The following CACNG2 variants were observed in gnomAD, a reference collection of about 807,000 sequenced individuals.
CACNG2 encodes the protein calcium voltage-gated channel auxiliary subunit gamma 2, also known as voltage-dependent calcium channel gamma-2 subunit.
CACNG2 carries 3 observed loss-of-function variants against 25.9 expected under a neutral mutation model. The ratio of observed to expected loss-of-function variants is 0.12; its 90% CI spans 0.05 to 0.30. The LOEUF is 0.30. Ranked by LOEUF, CACNG2 falls within the 10% of genes least tolerant of loss-of-function variation. The pLI, the probability that CACNG2 is intolerant of heterozygous loss-of-function variation, is 1.00. For missense variants in CACNG2, 341 were observed against 432.5 expected (o/e 0.79, Z 1.88); for synonymous variants, 167 against 173.3 (o/e 0.96, Z 0.29).
chr22:36,642,365 C>G (rs1936452862), intron 1 of CACNG2, among the ~76,000 whole-genome samples: 1 of 152,310 alleles, frequency 6.6e-6, no homozygotes, highest in East Asian at 1.9e-4. Context: ...ACCCCCAATG[C>G]ATTCATATTG....
At chr22:36,608,661 C>G (rs564782218) in intron 1 of CACNG2, among the ~76,000 whole-genome samples, 136 of 150,884 alleles carry the variant, frequency 9.0e-4, no homozygotes, top group Non-Finnish European at 1.3e-3. Context: ...TGCTATCAGA[C>G]TACCTGGGTG....
At chr22:36,624,350 G>A (rs1351311941) in intron 1 of CACNG2, among the ~76,000 whole-genome samples, 2 of 152,092 alleles carry the variant, frequency 1.3e-5, no homozygotes, top group African/African-American at 4.8e-5. Flanking sequence ...CATCTTCCCC[G>A]TCAGTGCCCC....
rs568981736 is a variant in CACNG2, at chr22:36,571,929, G to A, written c.296-5436C>T. Reference sequence around the variant, plus strand: ...TAAATTGGGTCCTACCTTTTACTGTGTCTCACACTAGAAGTTGCACAGTAA... The same window carrying A: ...TAAATTGGGTCCTACCTTTTACTGTATCTCACACTAGAAGTTGCACAGTAA... On this transcript the variant is annotated intron_variant, in intron 2 of 3. Coordinates refer to ENST00000300105, the MANE Select transcript of CACNG2 (RefSeq NM_006078.5). 5.9e-5 allele frequency among the ~76,000 whole-genome samples: 9 copies of A among 151,306 alleles called. No homozygotes were observed. The South Asian group carries it at 1.9e-3, about 32-fold the overall frequency.
chr22:36,653,090 G>A (rs1936644039), intron 1 of CACNG2, among the ~76,000 whole-genome samples: 1 of 152,218 alleles, frequency 6.6e-6, no homozygotes, highest in Admixed American at 6.5e-5. Flanking sequence ...GGGAGGCCGA[G>A]GCGGGTGGAT....
At chr22:36,604,657 A>G (rs1050950017) in intron 1 of CACNG2, among the ~76,000 whole-genome samples, 5 of 152,240 alleles carry the variant, frequency 3.3e-5, no homozygotes, top group Non-Finnish European at 5.9e-5. Flanking sequence ...AGATGATGGC[A>G]CACTGAAGGC....
chr22:36,682,988 C>T (rs571959147), intron 1 of CACNG2, among the ~76,000 whole-genome samples: 53 of 152,106 alleles, frequency 3.5e-4, no homozygotes, highest in African/African-American at 1.1e-3. Context: ...ATTGCGAGAA[C>T]GCTTACTTCC....
At chr22:36,611,527 C>T (rs1050359633) in intron 1 of CACNG2, among the ~76,000 whole-genome samples, 13 of 152,242 alleles carry the variant, frequency 8.5e-5, no homozygotes, top group South Asian at 2.1e-4. Context: ...GTGATCCTGG[C>T]CAGGACTGAC....
rs1330436030 is a variant in CACNG2, at chr22:36,606,738, A to G, written c.212-19190T>C. On this transcript the variant is annotated intron_variant, in intron 1 of 3. Transcript: ENST00000300105. This position sits in a 1 kb window ranked among gnomAD's most constrained non-coding sequence, Gnocchi z 5.7. ...CAGAAGTGTCATTTAGAGGACGGAA[A>G]CCAGACGGTTGGGCTGTGCGTGTGT... is the stretch of plus-strand genomic sequence containing the variant. Among the ~76,000 whole-genome samples the G allele has an allele frequency of 6.6e-5, 10 of 151,336 alleles. No homozygotes were observed. Among genetic ancestry groups the G allele is most frequent in the Admixed American group, 2.0e-4 (3 of 15,154 alleles).
At position 36,603,757 on chromosome 22, in the gene CACNG2, G is replaced by A. The variant is rs140590783; in HGVS notation, c.212-16209C>T. On this transcript the variant is annotated intron_variant, in intron 1 of 3. Coordinates refer to ENST00000300105, the MANE Select transcript of CACNG2 (RefSeq NM_006078.5). ...ATGGTTTACTGAATATTTTAAGCCC[G>A]CTATTAAGATCTACTGCTCAGAAAG... Among the ~76,000 whole-genome samples, 592 of 152,242 alleles carry A rather than the reference G, an allele frequency of 3.9e-3. 3 individuals carry two copies. Among genetic ancestry groups the A allele is most frequent in the African/African-American group, 0.014 (562 of 41,524 alleles).
chr22:36,607,846 C>T (rs1250681926), intron 1 of CACNG2, among the ~76,000 whole-genome samples: 1 of 152,222 alleles, frequency 6.6e-6, no homozygotes, highest in African/African-American at 2.4e-5. Flanking sequence ...TGCCATCATG[C>T]TCTCCCAGCC....
intron 1 of CACNG2, among the ~76,000 whole-genome samples, chr22:36,645,145 G>A (rs1172953492): frequency 1.3e-5 from 2 of 152,166 alleles, no homozygotes; most frequent in African/African-American, 4.8e-5. Context: ...AGGTGACAGC[G>A]AGTCAGTGTT....
rs1215034102 is a variant in CACNG2 at position 36,602,184 on chromosome 22, T to C, written c.212-14636A>G. On this transcript the variant is annotated intron_variant, in intron 1 of 3. Coordinates refer to ENST00000300105, the MANE Select transcript of CACNG2 (RefSeq NM_006078.5). ...AATTGTGTTATACATTTTCTTGCTA[T>C]TGAGTTGTATGTGTTCTTTATAAAT... 2.6e-5 allele frequency among the ~76,000 whole-genome samples: 4 copies of C among 152,284 alleles called. No homozygotes were observed. The East Asian group carries it at 7.7e-4, about 29-fold the overall frequency.
chr22:36,616,331 A>G (rs770753634), intron 1 of CACNG2, among the ~76,000 whole-genome samples: 4 of 152,176 alleles, frequency 2.6e-5, no homozygotes, highest in Non-Finnish European at 5.9e-5. Flanking sequence ...TTAGAATTCT[A>G]TCCTTGAATT....
intron 2 of CACNG2, among the ~76,000 whole-genome samples, chr22:36,583,281 A>T (rs764495193): frequency 2.0e-5 from 3 of 151,950 alleles, no homozygotes; most frequent in Non-Finnish European, 4.4e-5. Context: ...AAAAATACAA[A>T]AATTAGCCAG....
At chr22:36,666,176 G>T (rs1936872257) in intron 1 of CACNG2, among the ~76,000 whole-genome samples, 1 of 152,164 alleles carries the variant, frequency 6.6e-6, no homozygotes, top group Non-Finnish European at 1.5e-5. Flanking sequence ...AGGCTGATGT[G>T]GGAGGCTCGC....
intron 1 of CACNG2, among the ~76,000 whole-genome samples, chr22:36,667,959 C>A (rs1936896362): frequency 6.6e-6 from 1 of 152,226 alleles, no homozygotes; most frequent in Non-Finnish European, 1.5e-5. Context: ...CACCATCAAA[C>A]AGCAAGCACA....
At chr22:36,660,525 A>G (rs1036558964) in intron 1 of CACNG2, among the ~76,000 whole-genome samples, 33 of 152,384 alleles carry the variant, frequency 2.2e-4, no homozygotes, top group Admixed American at 1.7e-3. Context: ...ATTCTTGCCA[A>G]TGTGATTCAA....
chr22:36,695,944 A>C (rs1400507478), intron 1 of CACNG2, among the ~76,000 whole-genome samples: 1 of 152,208 alleles, frequency 6.6e-6, no homozygotes, highest in Non-Finnish European at 1.5e-5. Context: ...TGTCCCATCT[A>C]TGGCTGCGAA....
At chr22:36,581,089 T>C (rs1207781204) in intron 2 of CACNG2, among the ~76,000 whole-genome samples, 1 of 152,112 alleles carries the variant, frequency 6.6e-6, no homozygotes, top group Non-Finnish European at 1.5e-5. Flanking sequence ...CTCCTTAATC[T>C]TTGGTTAATG....
Sources: gnomAD v4.1 joint callset for allele counts (sites outside exome capture counted in the v4.1 genomes callset) on GRCh38, gnomAD v4.1.1 for gene constraint, Gnocchi (gnomAD v3.1) non-coding constraint, MANE v1.5 for transcripts, NCBI Gene and HGNC (gene_info 2026-07-23, HGNC 2026-07-21) for gene names.